The following FAM107B variants were observed in gnomAD, a reference collection of about 807,000 sequenced individuals.
The protein encoded by FAM107B is protein FAM107B.
A neutral mutation model predicts 31.5 loss-of-function variants in FAM107B; 21 were observed. That is an observed-to-expected ratio of 0.67 (90% CI 0.47 to 0.96). FAM107B has a LOEUF of 0.96. FAM107B is among the 40% of genes least tolerant of loss of function. The pLI is 0.00. For missense variants in FAM107B, 452 were observed against 377.1 expected, an observed-to-expected ratio of 1.20 and a Z score of -1.64; for synonymous variants, 157 against 141.5, an observed-to-expected ratio of 1.11 and a Z score of -0.78.
chr10:14,563,030 A>C (rs560406521), intron 2 of FAM107B, among the ~76,000 whole-genome samples: 9 of 152,246 alleles, frequency 5.9e-5, no homozygotes, highest in Non-Finnish European at 1.0e-4. Context: ...TTGTCTATTC[A>C]ATCAATGAAT....
intron 1 of FAM107B, among the ~76,000 whole-genome samples, chr10:14,674,560 G>A (rs920754970): frequency 1.3e-5 from 2 of 152,114 alleles, no homozygotes; most frequent in Admixed American, 6.5e-5. Context: ...CAGTTCCTTA[G>A]GTGGATGTTA....
At chr10:14,665,490 C>T (rs541990858) in intron 2 of FAM107B, among the ~76,000 whole-genome samples, 2 of 152,274 alleles carry the variant, frequency 1.3e-5, no homozygotes, top group South Asian at 4.1e-4. Flanking sequence ...GGGCACTATG[C>T]CAAGAGAGCA....
Position 14,520,372 on chromosome 10 carries a change from C to T in FAM107B, c.*818G>A, listed in dbSNP as rs188870107. On this transcript the variant is annotated 3_prime_UTR_variant, in exon 5 of 5. Transcript: ENST00000181796. ...AGCTGGGTTATATGGACTAGTTCCA[C>T]TCTCTAAGGGACTGGAAGGTTATTC... 1 of 152,168 alleles carries T rather than the reference C, an allele frequency of 6.6e-6. No homozygotes were observed. Among genetic ancestry groups the T allele is most frequent in the African/African-American group, 2.4e-5 (1 of 41,432 alleles). 9.4% of individuals were successfully genotyped at this position (152,168 alleles called of 1,614,324 possible).
intron 2 of FAM107B, chr10:14,572,326 C>T (rs542167451): frequency 2.0e-6 from 2 of 985,450 alleles, no homozygotes; most frequent in African/African-American, 3.5e-5. Context: ...CACGCAGACT[C>T]TCCAGCCCTG....
intron 2 of FAM107B, among the ~76,000 whole-genome samples, chr10:14,628,481 A>T (rs1263645066): frequency 6.6e-6 from 1 of 152,146 alleles, no homozygotes; most frequent in Non-Finnish European, 1.5e-5. Context: ...GTCTCTGAGA[A>T]GGTAACCCCA....
chr10:14,705,978 C>T (rs1299614699), intron 1 of FAM107B, among the ~76,000 whole-genome samples: 2 of 152,156 alleles, frequency 1.3e-5, no homozygotes, highest in Admixed American at 6.5e-5. Context: ...CAAGAAAAAC[C>T]GCACTCTTGC....
chr10:14,659,140 C>A (rs552720224), intron 2 of FAM107B, among the ~76,000 whole-genome samples: 2 of 152,284 alleles, frequency 1.3e-5, no homozygotes, highest in South Asian at 4.1e-4. Context: ...CTCCCATGAA[C>A]CCTCAAACTG....
intron 2 of FAM107B, among the ~76,000 whole-genome samples, chr10:14,656,200 A>G (rs958023792): frequency 1.3e-5 from 2 of 152,188 alleles, no homozygotes; most frequent in Non-Finnish European, 2.9e-5. Context: ...CTGATTTACC[A>G]GGAAACACTG....
chr10:14,642,077 G>C (rs952828229), intron 2 of FAM107B, among the ~76,000 whole-genome samples: 3 of 152,204 alleles, frequency 2.0e-5, no homozygotes, highest in Admixed American at 1.3e-4. Context: ...ACAGGCATAA[G>C]ATAAATGTTC....
chr10:14,539,926 T>C (rs1375281919), intron 2 of FAM107B, among the ~76,000 whole-genome samples: 1 of 152,178 alleles, frequency 6.6e-6, no homozygotes, highest in Non-Finnish European at 1.5e-5. Flanking sequence ...GAGTAGTACC[T>C]GGTGGGAGAG....
At chr10:14,620,253 G>A (rs943716386) in intron 2 of FAM107B, among the ~76,000 whole-genome samples, 12 of 151,980 alleles carry the variant, frequency 7.9e-5, no homozygotes, top group Non-Finnish European at 2.9e-5. Flanking sequence ...TCTCGACCTC[G>A]TGATCCGCCC....
intron 2 of FAM107B, among the ~76,000 whole-genome samples, chr10:14,616,845 G>A (rs1306796120): frequency 6.6e-6 from 1 of 152,136 alleles, no homozygotes; most frequent in Non-Finnish European, 1.5e-5. Context: ...GGATGCCCTG[G>A]GAGGTCAAGG....
At chr10:14,571,841 A>T in intron 2 of FAM107B, 1 of 985,496 alleles carries the variant, frequency 1.0e-6, no homozygotes, top group Non-Finnish European at 1.2e-6. Flanking sequence ...GCAAGAGAAG[A>T]GTTAGCCCAG....
chr10:14,656,949 A>G (rs1167781104), intron 2 of FAM107B, among the ~76,000 whole-genome samples: 1 of 152,162 alleles, frequency 6.6e-6, no homozygotes, highest in Non-Finnish European at 1.5e-5. Context: ...GGAGAAGAAT[A>G]GGTCATACTA....
At chr10:14,616,876 GCCGCTGTA>G (rs1470449881) in intron 2 of FAM107B, among the ~76,000 whole-genome samples, 1 of 152,104 alleles carries the variant, frequency 6.6e-6, no homozygotes, top group Non-Finnish European at 1.5e-5. Context: ...CCATGATTGT[GCCGCTGTA>G]CTCCAGCCTG....
At chr10:14,693,274 G>A (rs555619975) in intron 1 of FAM107B, among the ~76,000 whole-genome samples, 14 of 152,182 alleles carry the variant, frequency 9.2e-5, no homozygotes, top group Admixed American at 8.5e-4. Flanking sequence ...TCAGGAGTTC[G>A]AGACCAGCCT....
intron 2 of FAM107B, among the ~76,000 whole-genome samples, chr10:14,629,248 C>T (rs935672119): frequency 2.6e-5 from 3 of 114,088 alleles, no homozygotes; most frequent in Non-Finnish European, 5.2e-5. Flanking sequence ...ATATAAATTA[C>T]ATAAATATAA....
At position 14,764,851 on chromosome 10, in the gene FAM107B, CTG is replaced by C. The variant is rs1833130741; in HGVS notation, c.411+9400_411+9401del. Among the ~76,000 whole-genome samples the C allele has an allele frequency of 2.0e-5, 3 of 152,284 alleles. No individual in the cohort carries two copies. In the South Asian group the frequency reaches 6.2e-4, roughly 32 times the overall value. On this transcript the variant is annotated intron_variant, in intron 1 of 4. Transcript: ENST00000181796. ...AACTGCAAGTTATTTCATCAAGAGACTGGAAATTTCAGCTATACACACGTAGG... is the reference window on the plus strand; with the variant it reads ...AACTGCAAGTTATTTCATCAAGAGACGAAATTTCAGCTATACACACGTAGG...
At chr10:14,620,542 A>G (rs1352762879) in intron 2 of FAM107B, among the ~76,000 whole-genome samples, 1 of 151,126 alleles carries the variant, frequency 6.6e-6, no homozygotes, top group East Asian at 1.9e-4. Flanking sequence ...TATTTTTTTT[A>G]TTATTATAAT....
Sources: allele counts gnomAD v4.1 joint callset (sites outside exome capture counted in the v4.1 genomes callset), GRCh38; gene constraint gnomAD v4.1.1; transcripts MANE v1.5; gene names NCBI Gene and HGNC (gene_info 2026-07-23, HGNC 2026-07-21).